SHROOM3: variants seen among roughly 807,000 people sequenced by gnomAD.
SHROOM3 encodes shroom family member 3.
A neutral mutation model predicts 138.6 loss-of-function variants in SHROOM3; 47 were observed. The observed-to-expected ratio is 0.34, with a 90% confidence interval of 0.27 to 0.43. The LOEUF is 0.43. SHROOM3 is among the 20% of genes least tolerant of loss of function. The pLI is 1.00. For synonymous variants in SHROOM3, 1,062 were observed against 1,063.3 expected, an observed-to-expected ratio of 1.00 and a Z score of 0.02; for missense variants, 2,491 against 2,596.5, an observed-to-expected ratio of 0.96 and a Z score of 0.88.
chr4:76,494,250 C>T (rs529143953), intron 1 of SHROOM3, among the ~76,000 whole-genome samples: 6 of 151,942 alleles, frequency 3.9e-5, no homozygotes, highest in Admixed American at 2.0e-4. Context: ...ACTTCTGAAC[C>T]TTTTCAGGTG....
At chr4:76,466,781 A>T (rs1362459629) in intron 1 of SHROOM3, among the ~76,000 whole-genome samples, 1 of 152,220 alleles carries the variant, frequency 6.6e-6, no homozygotes, top group African/African-American at 2.4e-5. Flanking sequence ...TAAGAGCCAT[A>T]AAGGAATCCC....
chr4:76,689,581 G>A, intron 2 of SHROOM3: 1 of 985,008 alleles, frequency 1.0e-6, no homozygotes, highest in African/African-American at 1.7e-5. Flanking sequence ...ATTGTTGAGC[G>A]CGTTGGGCCC....
chr4:76,481,132 C>T (rs1018872914), intron 1 of SHROOM3, among the ~76,000 whole-genome samples: 3 of 152,056 alleles, frequency 2.0e-5, no homozygotes, highest in Non-Finnish European at 4.4e-5. Flanking sequence ...TAACTAAGAT[C>T]ATAGCAGAAC....
chr4:76,712,318 T>C (rs1490603718), intron 3 of SHROOM3, among the ~76,000 whole-genome samples: 1 of 152,056 alleles, frequency 6.6e-6, no homozygotes. Flanking sequence ...GACTGCTGAG[T>C]TGCTGGTATG....
intron 2 of SHROOM3, among the ~76,000 whole-genome samples, chr4:76,692,296 G>T (rs376910186): frequency 2.0e-4 from 30 of 152,322 alleles, no homozygotes; most frequent in African/African-American, 7.0e-4. Context: ...CATGAACAAT[G>T]GTCATTCATT....
At chr4:76,601,260 G>T (rs772374286) in intron 2 of SHROOM3, among the ~76,000 whole-genome samples, 12 of 152,130 alleles carry the variant, frequency 7.9e-5, no homozygotes, top group Non-Finnish European at 1.6e-4. Context: ...AACTGTGTGT[G>T]GTGTGGGGAG....
intron 3 of SHROOM3, among the ~76,000 whole-genome samples, chr4:76,716,878 G>C: frequency 6.6e-6 from 1 of 152,170 alleles, no homozygotes; most frequent in East Asian, 1.9e-4. Flanking sequence ...TAAAGAAAGG[G>C]AAGTTTTTAT....
chr4:76,770,312 C>T (rs948820229), intron 9 of SHROOM3, among the ~76,000 whole-genome samples: 2 of 95,552 alleles, frequency 2.1e-5, no homozygotes, highest in Non-Finnish European at 3.7e-5. Flanking sequence ...TGACAAGAGC[C>T]AAACTCTGTC....
intron 2 of SHROOM3, among the ~76,000 whole-genome samples, chr4:76,609,434 C>T (rs1452370948): frequency 6.6e-6 from 1 of 152,170 alleles, no homozygotes; most frequent in Non-Finnish European, 1.5e-5. Context: ...AGATTTATGC[C>T]ACCATGCCCA....
intron 2 of SHROOM3, among the ~76,000 whole-genome samples, chr4:76,582,315 A>G (rs893320957): frequency 1.3e-5 from 2 of 152,188 alleles, no homozygotes; most frequent in Non-Finnish European, 2.9e-5. Context: ...TTACACAGAA[A>G]ATCAATCTAC....
At chr4:76,520,306 C>T (rs956644300) in intron 1 of SHROOM3, among the ~76,000 whole-genome samples, 8 of 152,146 alleles carry the variant, frequency 5.3e-5, no homozygotes, top group Non-Finnish European at 1.2e-4. Flanking sequence ...CAACAAGTCT[C>T]TCTGTTATCT....
At chr4:76,757,717 C>G (rs1298977840) in intron 8 of SHROOM3, among the ~76,000 whole-genome samples, 1 of 152,196 alleles carries the variant, frequency 6.6e-6, no homozygotes, top group African/African-American at 2.4e-5. Flanking sequence ...CTTGAGCCAG[C>G]CATGTAACAC....
rs1721199786 is a variant in SHROOM3, at chr4:76,740,224, C to A, written c.2051C>A (p.Thr684Asn). ...RHSSLELGRG[T>N]QEGYPGGRPT... Reference sequence around the variant, plus strand: ...AGCAGCCTGGAGCTAGGCCGGGGAACCCAGGAGGGTTACCCCGGGGGCAGG... The same window carrying A: ...AGCAGCCTGGAGCTAGGCCGGGGAAACCAGGAGGGTTACCCCGGGGGCAGG... The change falls in exon 5 of 11, where the codon ACC (threonine) becomes AAC (asparagine). Residue 684 changes from threonine (T) to asparagine (N), a missense_variant. This residue lies in a region of SHROOM3 where 1,733 missense variants were observed against 1,661.6 expected (regional missense o/e 1.04). Transcript: ENST00000296043. The surrounding 1 kb of genome is among the most constrained non-coding windows in gnomAD (Gnocchi z 4.0). The A allele has an allele frequency of 1.9e-6, 3 of 1,613,448 alleles. No individual in the cohort carries two copies.
chr4:76,684,051 A>G (rs1351301109), intron 2 of SHROOM3, among the ~76,000 whole-genome samples: 1 of 152,214 alleles, frequency 6.6e-6, no homozygotes, highest in Admixed American at 6.5e-5. Context: ...TTTTCACTAG[A>G]TAATGTGGAC....
chr4:76,490,002 C>T (rs1193946274), intron 1 of SHROOM3, among the ~76,000 whole-genome samples: 2 of 152,174 alleles, frequency 1.3e-5, no homozygotes, highest in Non-Finnish European at 2.9e-5. Flanking sequence ...GATATAGAAT[C>T]TTCTTGGGTC....
At chr4:76,723,340 C>A (rs1019520716) in intron 3 of SHROOM3, among the ~76,000 whole-genome samples, 4 of 152,304 alleles carry the variant, frequency 2.6e-5, no homozygotes, top group Middle Eastern at 3.4e-3. Flanking sequence ...TCTTTAAAAA[C>A]CCAAACTCAT....
intron 1 of SHROOM3, among the ~76,000 whole-genome samples, chr4:76,467,479 A>T (rs1731272267): frequency 6.6e-6 from 1 of 152,186 alleles, no homozygotes; most frequent in Admixed American, 6.5e-5. Flanking sequence ...TGGATAAAGA[A>T]TGATTTTGGA....
chr4:76,631,165 TAGG>T (rs72049919), intron 2 of SHROOM3, among the ~76,000 whole-genome samples: 9,964 of 149,710 alleles, frequency 0.067, 1,119 homozygotes, highest in African/African-American at 0.23. Context: ...GGTGCTTTAA[TAGG>T]AGGGTCAGAG....
intron 4 of SHROOM3, among the ~76,000 whole-genome samples, chr4:76,734,462 A>G (rs376761396): frequency 2.0e-5 from 3 of 152,054 alleles, no homozygotes; most frequent in African/African-American, 7.2e-5. Flanking sequence ...ACTTTAGGAA[A>G]TGTTTTCATA....
Sources: allele counts gnomAD v4.1 joint callset (sites outside exome capture counted in the v4.1 genomes callset), GRCh38; gene constraint gnomAD v4.1.1; regional missense constraint gnomAD v4.1.1; non-coding constraint Gnocchi (gnomAD v3.1); transcripts MANE v1.5; gene names NCBI Gene and HGNC (gene_info 2026-07-23, HGNC 2026-07-21).